The following PIP5K1B variants were observed in gnomAD, a reference collection of about 807,000 sequenced individuals.
The protein encoded by PIP5K1B is phosphatidylinositol 4-phosphate 5-kinase type-1 beta.
A neutral mutation model predicts 67.0 loss-of-function variants in PIP5K1B; 42 were observed. That is an observed-to-expected ratio of 0.63 (90% CI 0.49 to 0.81). The LOEUF (loss-of-function observed/expected upper bound fraction) is 0.81, where lower values mean the gene tolerates loss of function less well. Among genes scored for constraint, PIP5K1B ranks in the 30% least tolerant of loss-of-function variants. The pLI, the probability that PIP5K1B is intolerant of heterozygous loss-of-function variation, is 0.00. For synonymous variants in PIP5K1B, 214 were observed against 231.4 expected, an observed-to-expected ratio of 0.92 and a Z score of 0.68; for missense variants, 459 against 646.3, an observed-to-expected ratio of 0.71 and a Z score of 3.14.
intron 8 of PIP5K1B, among the ~76,000 whole-genome samples, chr9:68,913,890 C>T (rs1825966746): frequency 6.6e-6 from 1 of 152,038 alleles, no homozygotes; most frequent in Admixed American, 6.6e-5. Context: ...AAATCGGACC[C>T]CTTACAGGAT....
chr9:68,981,477 T>TGGGGGGGG (rs1829878330), intron 14 of PIP5K1B, among the ~76,000 whole-genome samples: 2 of 26,856 alleles, frequency 7.4e-5, no homozygotes, highest in Non-Finnish European at 1.4e-4. Flanking sequence ...TGGCGGAGGG[T>TGGGGGGGG]GGGGGTGGGG....
At chr9:68,831,129 C>A (rs557335909) in intron 4 of PIP5K1B, among the ~76,000 whole-genome samples, 2 of 152,194 alleles carry the variant, frequency 1.3e-5, no homozygotes, top group Admixed American at 1.3e-4. Flanking sequence ...TCGTAGGGAA[C>A]ATACCTTGTG....
intron 4 of PIP5K1B, among the ~76,000 whole-genome samples, chr9:68,825,323 T>C (rs2151411): frequency 0.97 from 148,414 of 152,292 alleles, 72,429 homozygotes; most frequent in East Asian, 1. Context: ...CTGGTTGGAC[T>C]GATGGTCTCG....
chr9:68,753,515 CTTTTT>C (rs71500334), intron 2 of PIP5K1B, among the ~76,000 whole-genome samples: 7 of 38,276 alleles, frequency 1.8e-4, no homozygotes, highest in Admixed American at 1.5e-3. Flanking sequence ...AATTTTGTTT[CTTTTT>C]TTTTTTTTTT....
chr9:68,997,768 C>T (rs917747669), intron 15 of PIP5K1B, among the ~76,000 whole-genome samples: 3 of 152,182 alleles, frequency 2.0e-5, no homozygotes, highest in African/African-American at 7.2e-5. Flanking sequence ...GTGACGCAAG[C>T]TTCAAATTAA....
In PIP5K1B at chr9:68,805,846, A is replaced by G. The variant is rs555457052; in HGVS notation, c.-85-12615A>G. On this transcript the variant is annotated intron_variant, in intron 2 of 15. Transcript: ENST00000265382. The stretch of plus-strand genomic sequence containing the variant: ...TGCAAAGAACTCAAGTGAATGCTGA[A>G]TGGATTGTGAAGATACAGGGGCGCT... Among the ~76,000 whole-genome samples, 6 of 152,328 alleles carry G rather than the reference A, an allele frequency of 3.9e-5. No individual in the cohort carries two copies. In the South Asian group the frequency reaches 1.2e-3, roughly 32 times the overall value.
chr9:68,859,495 C>G (rs1822952333), intron 4 of PIP5K1B, among the ~76,000 whole-genome samples: 1 of 152,144 alleles, frequency 6.6e-6, no homozygotes, highest in Non-Finnish European at 1.5e-5. Flanking sequence ...GAAACTTAAA[C>G]CTATATGTTT....
chr9:68,802,168 T>G (rs1832634554), intron 2 of PIP5K1B, among the ~76,000 whole-genome samples: 2 of 152,240 alleles, frequency 1.3e-5, no homozygotes, highest in South Asian at 4.1e-4. Flanking sequence ...AAAGATATCT[T>G]ATGGAAGTAT....
At chr9:68,977,762 C>T (rs1259161405) in intron 14 of PIP5K1B, among the ~76,000 whole-genome samples, 1 of 149,122 alleles carries the variant, frequency 6.7e-6, no homozygotes, top group Non-Finnish European at 1.5e-5. Context: ...TGAAGCGATT[C>T]TCCTGCCTCA....
intron 14 of PIP5K1B, among the ~76,000 whole-genome samples, chr9:68,953,447 T>C (rs1828200088): frequency 2.0e-5 from 3 of 152,196 alleles, no homozygotes; most frequent in Admixed American, 1.3e-4. Flanking sequence ...CTACATGTTC[T>C]ATACTGGAGG....
intron 4 of PIP5K1B, among the ~76,000 whole-genome samples, chr9:68,857,102 A>C (rs1175954387): frequency 6.6e-6 from 1 of 152,116 alleles, no homozygotes; most frequent in Non-Finnish European, 1.5e-5. Flanking sequence ...GGAAGAGGCC[A>C]CAAGGAATGC....
intron 4 of PIP5K1B, among the ~76,000 whole-genome samples, chr9:68,826,297 A>C (rs2132086976): frequency 6.6e-6 from 1 of 152,300 alleles, no homozygotes. Context: ...GAGTGAGAAA[A>C]CGAGGGGACC....
At chr9:68,792,358 A>T (rs757722653) in intron 2 of PIP5K1B, among the ~76,000 whole-genome samples, 1 of 152,218 alleles carries the variant, frequency 6.6e-6, no homozygotes, top group Non-Finnish European at 1.5e-5. Context: ...TATTGAGTTC[A>T]TGATATTTGC....
chr9:68,791,477 C>T (rs940221274), intron 2 of PIP5K1B, among the ~76,000 whole-genome samples: 1 of 152,106 alleles, frequency 6.6e-6, no homozygotes, highest in Non-Finnish European at 1.5e-5. Flanking sequence ...TGGTTTTCTT[C>T]ATTGTTTGTT....
At chr9:68,777,561 C>CA (rs1339300984) in intron 2 of PIP5K1B, among the ~76,000 whole-genome samples, 1 of 152,176 alleles carries the variant, frequency 6.6e-6, no homozygotes, top group Non-Finnish European at 1.5e-5. Context: ...ATACATGACT[C>CA]AGTCAATTCT....
chr9:68,810,845 G>A (rs1833124195), intron 2 of PIP5K1B, among the ~76,000 whole-genome samples: 1 of 152,138 alleles, frequency 6.6e-6, no homozygotes, highest in African/African-American at 2.4e-5. Flanking sequence ...TAATATAATT[G>A]GCTAACCTTT....
intron 2 of PIP5K1B, among the ~76,000 whole-genome samples, chr9:68,778,090 T>G (rs904862178): frequency 7.5e-6 from 1 of 133,150 alleles, no homozygotes; most frequent in Admixed American, 7.7e-5. Flanking sequence ...GCCATCCTTC[T>G]CTAATTCATG....
chr9:68,738,636 G>C (rs2039426), intron 1 of PIP5K1B, among the ~76,000 whole-genome samples: 111,438 of 152,162 alleles, frequency 0.73, 41,911 homozygotes, highest in African/African-American at 0.91. Flanking sequence ...CATGTGATAT[G>C]AGGCAGTACA....
At chr9:68,843,074 TTG>T (rs1822000032) in intron 4 of PIP5K1B, 1 of 152,236 alleles carries the variant, frequency 6.6e-6, no homozygotes, top group South Asian at 2.1e-4. Flanking sequence ...TTTTTATGTA[TTG>T]TTTTTCTTTG....
Sources: allele counts gnomAD v4.1 joint callset (sites outside exome capture counted in the v4.1 genomes callset), GRCh38; gene constraint gnomAD v4.1.1; transcripts MANE v1.5; gene names NCBI Gene and HGNC (gene_info 2026-07-23, HGNC 2026-07-21).